Variants in ZPLD1 observed in about 807,000 individuals in gnomAD.
ZPLD1 encodes the protein zona pellucida like domain containing 1.
Under a neutral mutation model 47.2 loss-of-function variants are expected in ZPLD1, and 34 were observed. The observed-to-expected ratio is 0.72, with a 90% CI of 0.55 to 0.96. The LOEUF is 0.96. ZPLD1 is among the 40% of genes least tolerant of loss of function. The pLI is 0.00. For synonymous variants in ZPLD1, 176 were observed against 186.2 expected (o/e 0.95, Z 0.45); for missense variants, 512 against 505.8 (o/e 1.01, Z -0.12).
chr3:102,385,781 T>A (rs11710987), intron 6 of ZPLD1, among the ~76,000 whole-genome samples: 14,360 of 152,304 alleles, frequency 0.094, 906 homozygotes, highest in Middle Eastern at 0.14. Context: ...GTTTGAATTA[T>A]GCTATGCATT....
intron 7 of ZPLD1, among the ~76,000 whole-genome samples, chr3:102,462,826 A>C (rs1224983585): frequency 6.6e-6 from 1 of 152,126 alleles, no homozygotes; most frequent in Admixed American, 6.5e-5. Flanking sequence ...CATCTCTATA[A>C]AAAAACTATT....
Position 102,388,429 on chromosome 3 carries a change from G to GTC in ZPLD1, c.-213+3134_-213+3135dup, listed in dbSNP as rs71781267. 9.1e-3 allele frequency among the ~76,000 whole-genome samples: 1,236 copies of GTC among 135,972 alleles called. 16 individuals are homozygous for GTC. The highest frequency in any genetic ancestry group is 0.026 in the African/African-American group (954 of 36,822). The allele number at this position is 135,972 out of a possible 152,430, so 89.2% of individuals were successfully genotyped here. A position where few individuals can be genotyped will look rare whatever the true frequency, so the allele number is the denominator to read the frequency against. On this transcript the variant is annotated intron_variant, in intron 6 of 17. Coordinates refer to the ZPLD1 transcript ENST00000491959. The stretch of plus-strand genomic sequence containing the variant: ...ATATTATTGGATTTTCTCTCCTGGA[G>GTC]TCTCTCTCTCTCTCTCTCTCTCTGT...
At chr3:102,462,200 C>G in intron 6 of ZPLD1, 81 bp from the exon 7 acceptor site, 1 of 784,260 alleles carries the variant, frequency 1.3e-6, no homozygotes, top group East Asian at 2.8e-5. Flanking sequence ...TCTTTTTTCT[C>G]TCTCTAATAT....
chr3:102,433,871 G>C (rs773644418), upstream of ZPLD1, among the ~76,000 whole-genome samples: 1 of 152,106 alleles, frequency 6.6e-6, no homozygotes, highest in Non-Finnish European at 1.5e-5. Context: ...ATGAAATAGA[G>C]TCATGAAAAT....
At chr3:102,415,264 C>A (rs1330245597) in intron 7 of ZPLD1, among the ~76,000 whole-genome samples, 1 of 151,734 alleles carries the variant, frequency 6.6e-6, no homozygotes, top group African/African-American at 2.4e-5. Flanking sequence ...AGTAAGAAAG[C>A]CATTACACTG....
chr3:102,435,324 T>C (rs957648220), intron 1 of ZPLD1, among the ~76,000 whole-genome samples, 170 bp downstream of exon 1: 3 of 152,198 alleles, frequency 2.0e-5, no homozygotes, highest in Non-Finnish European at 2.9e-5. Context: ...TAAAATTCCT[T>C]GCCTAATGTG....
At position 102,470,651 on chromosome 3, in the gene ZPLD1, A is replaced by AGT. The variant is rs1247609733; in HGVS notation, c.1042+150_1042+151dup. ...TACTAAGCAACTTTAATTTCACAGT[A>AGT]GTTTCCCTGTTTACTCAACTTTCAC... On this transcript the variant is annotated intron_variant, in intron 10 of 11. Transcript: ENST00000466937. 12 of 635,066 alleles carry AGT rather than the reference A, an allele frequency of 1.9e-5. No homozygotes were observed. In the Admixed American group the frequency reaches 3.5e-4, roughly 19 times the overall value. 39.3% of individuals were successfully genotyped at this position (635,066 alleles called of 1,614,324 possible).
intron 10 of ZPLD1, among the ~76,000 whole-genome samples, chr3:102,472,370 A>G (rs1202072457): frequency 6.6e-6 from 1 of 152,150 alleles, no homozygotes; most frequent in Admixed American, 6.5e-5. Context: ...CGTCTCTACT[A>G]AAAATACAGA....
intron 8 of ZPLD1, among the ~76,000 whole-genome samples, chr3:102,427,330 T>C (rs76612923): frequency 0.012 from 1,838 of 152,296 alleles, 44 homozygotes; most frequent in Admixed American, 0.065. Flanking sequence ...GAAGGGCTAA[T>C]GTTTTTCTTT....
At chr3:102,447,249 A>T (rs1708770219) in intron 3 of ZPLD1, among the ~76,000 whole-genome samples, 1 of 152,090 alleles carries the variant, frequency 6.6e-6, no homozygotes, top group Non-Finnish European at 1.5e-5. Context: ...TATTTTTAGT[A>T]GAAATGGGGT....
At chr3:102,415,526 G>T (rs1430194083) in intron 7 of ZPLD1, among the ~76,000 whole-genome samples, 2 of 151,866 alleles carry the variant, frequency 1.3e-5, no homozygotes, top group East Asian at 3.9e-4. Flanking sequence ...ACTTCATGAA[G>T]CATAGGGGTT....
intron 10 of ZPLD1, among the ~76,000 whole-genome samples, chr3:102,471,410 C>A (rs1185264875): frequency 6.6e-6 from 1 of 152,200 alleles, no homozygotes; most frequent in Non-Finnish European, 1.5e-5. Flanking sequence ...CCATTTGTTT[C>A]CTTTCAGAAT....
chr3:102,418,062 A>G (rs1456057674), exon 8 of ZPLD1: 1 of 152,012 alleles, frequency 6.6e-6, no homozygotes, highest in African/African-American at 2.4e-5. Flanking sequence ...TTTTAAAGAC[A>G]TTTCAAAAAG....
At chr3:102,391,868 A>G (rs763763384) in intron 6 of ZPLD1, among the ~76,000 whole-genome samples, 2 of 152,112 alleles carry the variant, frequency 1.3e-5, no homozygotes, top group African/African-American at 2.4e-5. Context: ...AGTGTTTTCC[A>G]TTCCTCTGTA....
Position 102,435,119 on chromosome 3 carries a change from T to C in ZPLD1, c.-158T>C, listed in dbSNP as rs778909571. The C allele has an allele frequency of 6.2e-7, 1 of 1,614,194 alleles. No individual in the cohort carries two copies. The highest frequency in any genetic ancestry group is 8.5e-7 in the Non-Finnish European group (1 of 1,180,002). ...CTCCAAGCTTGCTATGGCAAGATGA[T>C]GCTCAGGTTTTCCATGTGCAGGGGA... On this transcript the variant is annotated 5_prime_UTR_variant, in exon 1 of 12. The change abolishes an upstream ATG in the 5' untranslated region. Coordinates refer to ENST00000466937, the MANE Select transcript of ZPLD1 (RefSeq NM_001329788.2).
At chr3:102,396,139 G>T (rs1478273271) in intron 7 of ZPLD1, among the ~76,000 whole-genome samples, 1 of 152,162 alleles carries the variant, frequency 6.6e-6, no homozygotes, top group Non-Finnish European at 1.5e-5. Flanking sequence ...TTGTCAGGCA[G>T]ATGTTGGTGC....
chr3:102,438,386 C>A, intron 2 of ZPLD1, 94 bp from the exon 3 acceptor site: 1 of 816,154 alleles, frequency 1.2e-6, no homozygotes, highest in Non-Finnish European at 2.1e-6. Context: ...AACTGCTTAT[C>A]CAACAGTGAG....
At chr3:102,463,237 A>T (rs928036085) in intron 7 of ZPLD1, among the ~76,000 whole-genome samples, 7 of 152,188 alleles carry the variant, frequency 4.6e-5, no homozygotes, top group African/African-American at 1.7e-4. Context: ...TATGTGCCTC[A>T]TGGCTTTCTT....
chr3:102,416,200 A>C (rs1287494872), intron 7 of ZPLD1, among the ~76,000 whole-genome samples: 1 of 151,898 alleles, frequency 6.6e-6, no homozygotes, highest in Non-Finnish European at 1.5e-5. Context: ...TTTAAAAGCA[A>C]AATAGTAACA....
Sources: gnomAD v4.1 joint callset for allele counts (sites outside exome capture counted in the v4.1 genomes callset) on GRCh38, gnomAD v4.1.1 for gene constraint, MANE v1.5 for transcripts, NCBI Gene and HGNC (gene_info 2026-07-23, HGNC 2026-07-21) for gene names.